TDRD12: variants seen among roughly 807,000 people sequenced by gnomAD.
TDRD12 encodes the protein tudor domain containing 12.
TDRD12 carries 158 observed loss-of-function variants against 133.5 expected under a neutral mutation model. That is an observed-to-expected ratio of 1.18 (90% confidence interval 1.04 to 1.35). The LOEUF (loss-of-function observed/expected upper bound fraction) is 1.35. Among genes scored for constraint, TDRD12 ranks in the 40% most tolerant of loss-of-function variants. The pLI is 0.00. For missense variants in TDRD12, 1,443 were observed against 1,321.3 expected (o/e 1.09, Z -1.43); for synonymous variants, 460 against 477.9 (o/e 0.96, Z 0.49).
intron 7 of TDRD12, among the ~76,000 whole-genome samples, chr19:32,756,814 A>C (rs1443160213): frequency 6.6e-6 from 1 of 152,226 alleles, no homozygotes; most frequent in African/African-American, 2.4e-5. Context: ...TTTATCACAA[A>C]TAACCCTTAG....
At chr19:32,739,572 G>A (rs1969335935) in intron 3 of TDRD12, among the ~76,000 whole-genome samples, 1 of 144,228 alleles carries the variant, frequency 6.9e-6, no homozygotes, top group South Asian at 2.3e-4. Flanking sequence ...GCATCTCCTG[G>A]CTGCTGTCTG....
exon 10 of TDRD12, chr19:32,829,169 T>C (rs1162118680): frequency 2.0e-5 from 3 of 152,226 alleles, no homozygotes; most frequent in African/African-American, 7.2e-5. Flanking sequence ...CAGGCCGCCG[T>C]CCAGTGGCGC....
At chr19:32,758,317 G>A (rs182544841) in intron 8 of TDRD12, among the ~76,000 whole-genome samples, 3 of 152,196 alleles carry the variant, frequency 2.0e-5, no homozygotes, top group Admixed American at 6.5e-5. Context: ...TGATTGGTTA[G>A]TGAGTATGCA....
intron 12 of TDRD12, 147 bp from the exon 13 acceptor site, chr19:32,790,817 G>GT (rs3217339): frequency 0.019 from 23,447 of 1,217,336 alleles, 21 homozygotes; most frequent in East Asian, 0.065. Context: ...TAGTTTGGTG[G>GT]TTTTTTTTTT....
At chr19:32,723,176 A>G (rs1193048561) in intron 1 of TDRD12, among the ~76,000 whole-genome samples, 1 of 152,036 alleles carries the variant, frequency 6.6e-6, no homozygotes, top group Non-Finnish European at 1.5e-5. Flanking sequence ...AATTGACTAT[A>G]TGTGTGATTA....
intron 1 of TDRD12, among the ~76,000 whole-genome samples, chr19:32,722,345 T>G (rs1294284406): frequency 6.6e-6 from 1 of 152,060 alleles, no homozygotes; most frequent in Non-Finnish European, 1.5e-5. Context: ...TCCTCTCAGT[T>G]GGGCCCAGGA....
chr19:32,748,419 T>C, intron 4 of TDRD12, 57 bp from the exon 5 acceptor site: 2 of 1,501,740 alleles, frequency 1.3e-6, no homozygotes, highest in South Asian at 2.5e-5. Flanking sequence ...CAAAATGCTG[T>C]TGGTGTGCTA....
intron 21 of TDRD12, among the ~76,000 whole-genome samples, chr19:32,805,172 T>TTATTATTATATATATATTATATATATA (rs1971508257): frequency 8.1e-6 from 1 of 123,154 alleles, no homozygotes; most frequent in African/African-American, 3.1e-5. Flanking sequence ...TTATATATTA[T>TTATTATTATATATATATTATATATATA]ATATATAACA....
intron 1 of TDRD12, among the ~76,000 whole-genome samples, chr19:32,726,234 C>T (rs1412243502): frequency 1.3e-5 from 2 of 152,084 alleles, no homozygotes; most frequent in East Asian, 1.9e-4. Context: ...GCTCCCACCA[C>T]CACGCCTGGC....
intron 18 of TDRD12, among the ~76,000 whole-genome samples, chr19:32,801,393 G>A (rs1971386103): frequency 6.6e-6 from 1 of 152,130 alleles, no homozygotes; most frequent in South Asian, 2.1e-4. Flanking sequence ...TTCTGCAGCA[G>A]TCAGCTAGAA....
chr19:32,778,755 T>A (rs905204976), intron 11 of TDRD12, among the ~76,000 whole-genome samples: 3 of 152,162 alleles, frequency 2.0e-5, no homozygotes, highest in African/African-American at 7.2e-5. Flanking sequence ...CCACCTTGGC[T>A]TCCCAAAGTG....
intron 21 of TDRD12, among the ~76,000 whole-genome samples, chr19:32,806,640 C>G (rs1971559541): frequency 6.6e-6 from 1 of 151,780 alleles, no homozygotes; most frequent in African/African-American, 2.4e-5. Context: ...CCGTCCCCAG[C>G]CAAATACTGA....
chr19:32,806,056 T>G (rs1804851019), intron 21 of TDRD12, among the ~76,000 whole-genome samples: 1 of 151,912 alleles, frequency 6.6e-6, no homozygotes, highest in South Asian at 2.1e-4. Context: ...AGAATGAGCC[T>G]GTTAGTGTCT....
chr19:32,740,487 A>C (rs1969389136), intron 3 of TDRD12, among the ~76,000 whole-genome samples: 1 of 138,988 alleles, frequency 7.2e-6, no homozygotes, highest in African/African-American at 2.8e-5. Flanking sequence ...TGCTCTCTGC[A>C]TCTCCTGTGT....
chr19:32,721,874 ATT>A (rs768611161), intron 1 of TDRD12, among the ~76,000 whole-genome samples: 5 of 137,266 alleles, frequency 3.6e-5, no homozygotes, highest in Admixed American at 7.4e-5. Context: ...CGCCTGGCTA[ATT>A]TTTTTTTTTT....
chr19:32,803,619 C>T (rs527719856), intron 21 of TDRD12, among the ~76,000 whole-genome samples: 22 of 152,236 alleles, frequency 1.4e-4, no homozygotes, highest in East Asian at 7.7e-4. Context: ...CTTGGGTAGA[C>T]GCTCCAGAGG....
chr19:32,814,189 G>GC (rs1967099059), intron 25 of TDRD12, among the ~76,000 whole-genome samples: 1 of 152,112 alleles, frequency 6.6e-6, no homozygotes, highest in Non-Finnish European at 1.5e-5. Context: ...AGCAGACGAA[G>GC]CCCCCATCCT....
At chr19:32,804,173 C>T (rs911599893) in intron 21 of TDRD12, among the ~76,000 whole-genome samples, 2 of 151,672 alleles carry the variant, frequency 1.3e-5, no homozygotes, top group African/African-American at 4.8e-5. Context: ...CCCAGGTTCA[C>T]GCCATTCTCT....
chr19:32,754,258 C>G (rs1969923954), intron 6 of TDRD12, among the ~76,000 whole-genome samples: 1 of 152,120 alleles, frequency 6.6e-6, no homozygotes, highest in African/African-American at 2.4e-5. Context: ...TGCTTGAGCT[C>G]CGGAGTTTGA....
Sources: allele counts gnomAD v4.1 joint callset (sites outside exome capture counted in the v4.1 genomes callset), GRCh38; gene constraint gnomAD v4.1.1; transcripts MANE v1.5; gene names NCBI Gene and HGNC (gene_info 2026-07-23, HGNC 2026-07-21).